EYS: variants seen among roughly 807,000 people sequenced by gnomAD.
EYS encodes EGF-like photoreceptor maintenance factor.
A neutral mutation model predicts 282.1 loss-of-function variants in EYS; 250 were observed. The ratio of observed to expected loss-of-function variants is 0.89; its 90% CI spans 0.80 to 0.98. EYS has a LOEUF of 0.98. Among genes scored for constraint, EYS ranks in the 50% least tolerant of loss-of-function variants. The pLI, the probability that EYS is intolerant of heterozygous loss-of-function variation, is 0.00. For missense variants in EYS, 4,016 were observed against 3,709.0 expected (o/e 1.08, Z -2.15); for synonymous variants, 1,355 against 1,282.9 (o/e 1.06, Z -1.20).
chr6:63,855,275 G>A (rs1278771312), intron 36 of EYS, among the ~76,000 whole-genome samples: 1 of 152,154 alleles, frequency 6.6e-6, no homozygotes, highest in Non-Finnish European at 1.5e-5. Flanking sequence ...TTTTCCATCT[G>A]TACAATGGCA....
chr6:65,563,313 A>T (rs1474358351), intron 2 of EYS, among the ~76,000 whole-genome samples: 1 of 152,142 alleles, frequency 6.6e-6, no homozygotes, highest in African/African-American at 2.4e-5. Context: ...TCAGAAATTC[A>T]GTAGAATATT....
intron 2 of EYS, among the ~76,000 whole-genome samples, chr6:65,539,652 C>T (rs1383489772): frequency 6.6e-6 from 1 of 152,098 alleles, no homozygotes; most frequent in Non-Finnish European, 1.5e-5. Context: ...CTAAGAATGA[C>T]ATAAAACAAA....
chr6:64,117,441 AC>A (rs1262600513), intron 31 of EYS, among the ~76,000 whole-genome samples: 1 of 151,844 alleles, frequency 6.6e-6, no homozygotes, highest in Non-Finnish European at 1.5e-5. Flanking sequence ...TTTTTTAAAA[AC>A]ATCAACAAAA....
intron 28 of EYS, among the ~76,000 whole-genome samples, chr6:64,414,911 G>A (rs958186467): frequency 6.6e-6 from 1 of 152,096 alleles, no homozygotes; most frequent in Admixed American, 6.6e-5. Context: ...TTGGAAGTAT[G>A]AATATTGAGA....
At chr6:64,595,028 G>C (rs1012685655) in intron 24 of EYS, among the ~76,000 whole-genome samples, 1 of 151,910 alleles carries the variant, frequency 6.6e-6, no homozygotes, top group Admixed American at 6.6e-5. Flanking sequence ...GATGAACCTA[G>C]ATGCAAAAGT....
intron 2 of EYS, among the ~76,000 whole-genome samples, chr6:65,557,182 T>G (rs1318751162): frequency 6.6e-6 from 1 of 152,130 alleles, no homozygotes; most frequent in Admixed American, 6.5e-5. Flanking sequence ...AGCCTCTGCT[T>G]GAGATTTGCT....
chr6:64,027,906 C>T (rs1476741686), intron 33 of EYS, among the ~76,000 whole-genome samples: 1 of 152,186 alleles, frequency 6.6e-6, no homozygotes, highest in African/African-American at 2.4e-5. Flanking sequence ...TGACTTCCTC[C>T]TGGACACTGG....
intron 12 of EYS, among the ~76,000 whole-genome samples, chr6:65,143,319 A>G (rs1165498133): frequency 6.6e-6 from 1 of 151,912 alleles, no homozygotes; most frequent in Non-Finnish European, 1.5e-5. Context: ...AAAATTCTAT[A>G]CCAAACAAAT....
intron 12 of EYS, among the ~76,000 whole-genome samples, chr6:65,124,783 T>C (rs1014942223): frequency 6.6e-6 from 1 of 152,210 alleles, no homozygotes; most frequent in African/African-American, 2.4e-5. Context: ...TGAATAGGTG[T>C]AATTTATTTA....
intron 13 of EYS, among the ~76,000 whole-genome samples, chr6:65,046,965 C>G (rs1424383626): frequency 6.6e-6 from 1 of 151,860 alleles, no homozygotes; most frequent in Admixed American, 6.6e-5. Flanking sequence ...GCCCCACTCT[C>G]TCTATCCTCT....
chr6:63,846,994 T>C (rs1772115011), intron 36 of EYS, among the ~76,000 whole-genome samples: 1 of 152,118 alleles, frequency 6.6e-6, no homozygotes. Flanking sequence ...CCTGTAACAA[T>C]CTCTCCCTAG....
chr6:65,299,089 C>T (rs1039992196), intron 11 of EYS, among the ~76,000 whole-genome samples: 1 of 152,012 alleles, frequency 6.6e-6, no homozygotes, highest in Admixed American at 6.6e-5. Context: ...TCAAAGCCCT[C>T]TCTATAAAGG....
intron 22 of EYS, among the ~76,000 whole-genome samples, chr6:64,768,138 A>T (rs369112373): frequency 2.0e-5 from 3 of 152,136 alleles, no homozygotes; most frequent in East Asian, 1.9e-4. Flanking sequence ...AAAATAACAA[A>T]ATAGCAATGT....
intron 33 of EYS, among the ~76,000 whole-genome samples, chr6:64,045,410 T>TTA (rs1770573815): frequency 6.8e-6 from 1 of 147,712 alleles, no homozygotes; most frequent in Admixed American, 6.8e-5. Context: ...TTATTTTATT[T>TTA]TATTTTATTT....
At chr6:64,245,502 C>T (rs1340573943) in intron 30 of EYS, among the ~76,000 whole-genome samples, 1 of 149,214 alleles carries the variant, frequency 6.7e-6, no homozygotes, top group Non-Finnish European at 1.5e-5. Flanking sequence ...TTATGGCATC[C>T]TTTTTCTTAT....
At chr6:65,330,888 T>A in intron 11 of EYS, 1 of 967,118 alleles carries the variant, frequency 1.0e-6, no homozygotes, top group Non-Finnish European at 1.2e-6. Context: ...ATTTAAGGTC[T>A]TATTATGAGC....
At chr6:63,725,971 G>A in intron 42 of EYS, among the ~76,000 whole-genome samples, 1 of 152,082 alleles carries the variant, frequency 6.6e-6, no homozygotes, top group East Asian at 1.9e-4. Flanking sequence ...TGGATATCAA[G>A]GGTAAAGTAA....
chr6:64,181,528 ACTTTT>A (rs1469391041), intron 31 of EYS, among the ~76,000 whole-genome samples: 2 of 152,216 alleles, frequency 1.3e-5, no homozygotes, highest in Middle Eastern at 3.4e-3. Flanking sequence ...ATGAATATTA[ACTTTT>A]CTTTATTACA....
At chr6:63,818,207 A>G (rs1055378878) in intron 36 of EYS, among the ~76,000 whole-genome samples, 1 of 152,218 alleles carries the variant, frequency 6.6e-6, no homozygotes, top group Non-Finnish European at 1.5e-5. Context: ...TATAATAACT[A>G]CAGCAGTTTC....
Sources: gnomAD v4.1 joint callset for allele counts (sites outside exome capture counted in the v4.1 genomes callset) on GRCh38, gnomAD v4.1.1 for gene constraint, MANE v1.5 for transcripts, NCBI Gene and HGNC (gene_info 2026-07-23, HGNC 2026-07-21) for gene names.